The following GPT2 variants were observed in gnomAD, a reference collection of about 807,000 sequenced individuals.
The protein encoded by GPT2 is alanine aminotransferase 2.
Under a neutral mutation model 56.9 loss-of-function variants are expected in GPT2, and 30 were observed. The ratio of observed to expected loss-of-function variants is 0.53; its 90% confidence interval spans 0.39 to 0.72. GPT2 has a LOEUF of 0.72. Ranked by LOEUF, GPT2 falls within the 30% of genes least tolerant of loss-of-function variation. The pLI, the probability that GPT2 is intolerant of heterozygous loss-of-function variation, is 0.00. For synonymous variants in GPT2, 271 were observed against 283.1 expected (o/e 0.96, Z 0.43); for missense variants, 542 against 703.4 (o/e 0.77, Z 2.60).
intron 2 of GPT2, among the ~76,000 whole-genome samples, chr16:46,887,012 C>T (rs1421466151): frequency 6.6e-6 from 1 of 152,176 alleles, no homozygotes; most frequent in African/African-American, 2.4e-5. Context: ...CTCATTGAAA[C>T]CCTTCCTTCT....
chr16:46,885,793 C>T (rs763899086), intron 2 of GPT2, among the ~76,000 whole-genome samples: 1 of 151,998 alleles, frequency 6.6e-6, no homozygotes, highest in Non-Finnish European at 1.5e-5. Context: ...GAGTTATAGC[C>T]TGGGTGGAAT....
intron 3 of GPT2, among the ~76,000 whole-genome samples, chr16:46,898,875 T>C (rs1488461675): frequency 6.9e-6 from 1 of 145,318 alleles, no homozygotes. Context: ...TATATACATA[T>C]ATATATATAT....
chr16:46,902,798 G>T (rs1054450334), intron 4 of GPT2, among the ~76,000 whole-genome samples: 2 of 151,978 alleles, frequency 1.3e-5, no homozygotes, highest in Non-Finnish European at 2.9e-5. Context: ...GGTAATTTTT[G>T]TATTTTTAGT....
Position 46,929,093 on chromosome 16 carries a change from C to CT in GPT2, c.*96_*97insT. On this transcript the variant is annotated 3_prime_UTR_variant, in exon 12 of 12. Coordinates refer to ENST00000340124, the MANE Select transcript of GPT2 (RefSeq NM_133443.4). ...TCCCCCGTGACTCTGCCTCGGGCCT[C>CT]GCAGAGGCCGCTGGTCACTTCGTCA... The CT allele has an allele frequency of 7.9e-6, 7 of 888,302 alleles. No individual in the cohort carries two copies. The highest frequency in any genetic ancestry group is 1.3e-5 in the Non-Finnish European group (7 of 534,526). 55.0% of individuals were successfully genotyped at this position (888,302 alleles called of 1,614,324 possible). A position where few individuals can be genotyped will look rare whatever the true frequency, so the allele number is the denominator to read the frequency against.
chr16:46,929,363 CTT>C lies in GPT2; in HGVS notation c.*367_*368del, dbSNP rs1961484693. ...TGAGCAGGTGTCGGGAAATGTGTGA[CTT>C]AACCGTGGTGAGGGCTGGAAATCCA... On this transcript the variant is annotated 3_prime_UTR_variant, in exon 12 of 12. Coordinates refer to ENST00000340124, the MANE Select transcript of GPT2 (RefSeq NM_133443.4). 2 of 250,110 alleles carry C rather than the reference CTT, an allele frequency of 8.0e-6. No homozygotes were observed. Among genetic ancestry groups the C allele is most frequent in the Middle Eastern group, 1.5e-3 (1 of 660 alleles). 15.5% of individuals were successfully genotyped at this position (250,110 alleles called of 1,614,324 possible).
intron 10 of GPT2, 141 bp from the exon 11 acceptor site, chr16:46,926,784 G>T: frequency 2.0e-6 from 1 of 502,452 alleles, no homozygotes; most frequent in Non-Finnish European, 3.4e-6. Flanking sequence ...CCAGCGTCTG[G>T]CCCTGGTCCT....
intron 2 of GPT2, among the ~76,000 whole-genome samples, chr16:46,897,111 A>G (rs1163561627): frequency 6.6e-6 from 1 of 152,178 alleles, no homozygotes; most frequent in African/African-American, 2.4e-5. Flanking sequence ...GGTCAGGCGC[A>G]ATGGCTCACG....
chr16:46,926,074 T>G (rs1335309287), intron 10 of GPT2, among the ~76,000 whole-genome samples: 2 of 135,390 alleles, frequency 1.5e-5, no homozygotes. Context: ...GAGGTTGTAG[T>G]GAGCCGAGAT....
chr16:46,924,613 G>A, intron 10 of GPT2, 69 bp downstream of exon 10: 2 of 1,551,508 alleles, frequency 1.3e-6, no homozygotes, highest in South Asian at 1.2e-5. Context: ...GGGGGCCCCT[G>A]CTTATCTTGG....
chr16:46,897,695 C>T lies in GPT2; in HGVS notation c.291C>T (p.Asp97=), dbSNP rs371230832. The change falls in exon 3 of 12, where the codon GAC becomes GAT. Residue 97 remains aspartate (D), a synonymous_variant. Coordinates refer to ENST00000340124, the MANE Select transcript of GPT2 (RefSeq NM_133443.4). ...FTEVIRANIG[D]AQAMGQQPIT... is the part of the protein sequence containing the mutation. The stretch of plus-strand genomic sequence containing the variant: ...AGGTCATCCGAGCCAACATCGGGGA[C>T]GCCCAGGCTATGGGGCAGCAGCCAA... 104 of 1,614,148 alleles carry T rather than the reference C, an allele frequency of 6.4e-5. No individual in the cohort carries two copies. In the East Asian group the frequency reaches 8.9e-4, roughly 14 times the overall value.
chr16:46,886,678 C>T (rs1960490998), intron 2 of GPT2, among the ~76,000 whole-genome samples: 1 of 152,044 alleles, frequency 6.6e-6, no homozygotes, highest in African/African-American at 2.4e-5. Flanking sequence ...GTGAATGAGA[C>T]AGAAAAGGTG....
chr16:46,905,403 A>G (rs1960903474), intron 4 of GPT2, among the ~76,000 whole-genome samples: 1 of 152,200 alleles, frequency 6.6e-6, no homozygotes, highest in South Asian at 2.1e-4. Context: ...GGACTGATGC[A>G]TGCTGAGGCC....
intron 2 of GPT2, among the ~76,000 whole-genome samples, chr16:46,887,451 G>A (rs1191472832): frequency 2.0e-5 from 3 of 152,196 alleles, no homozygotes; most frequent in East Asian, 3.9e-4. Context: ...AGAGCTCAGA[G>A]CGAGACTCCA....
chr16:46,902,788 G>C (rs1317188087), intron 4 of GPT2, among the ~76,000 whole-genome samples: 1 of 152,000 alleles, frequency 6.6e-6, no homozygotes, highest in Non-Finnish European at 1.5e-5. Context: ...ACCACGCCTG[G>C]GTAATTTTTG....
chr16:46,922,533 G>C, intron 9 of GPT2, 117 bp downstream of exon 9: 2 of 935,886 alleles, frequency 2.1e-6, no homozygotes, highest in Admixed American at 5.3e-5. Flanking sequence ...GGTGTGGCCT[G>C]CAGGTGCACT....
At chr16:46,885,588 A>G (rs1193176839) in intron 2 of GPT2, 1 of 977,420 alleles carries the variant, frequency 1.0e-6, no homozygotes, top group East Asian at 1.2e-4. Context: ...GTGGGGAACC[A>G]GAGAGTTGGG....
At chr16:46,901,733 C>A (rs1960821405) in intron 4 of GPT2, among the ~76,000 whole-genome samples, 1 of 152,160 alleles carries the variant, frequency 6.6e-6, no homozygotes, top group Non-Finnish European at 1.5e-5. Flanking sequence ...TCTGCTCCGT[C>A]CCTTATTGAC....
chr16:46,906,745 C>T, intron 4 of GPT2, 97 bp from the exon 5 acceptor site: 3 of 1,517,916 alleles, frequency 2.0e-6, no homozygotes, highest in Non-Finnish European at 2.7e-6. Flanking sequence ...ACCCTCACCC[C>T]AAACAGGCAT....
At chr16:46,900,922 T>A in intron 4 of GPT2, 132 bp downstream of exon 4, 3 of 661,590 alleles carry the variant, frequency 4.5e-6, no homozygotes, top group Admixed American at 2.6e-5. Context: ...GCACACAGAG[T>A]AAACAAAAAA....
Sources: gnomAD v4.1 joint callset for allele counts (sites outside exome capture counted in the v4.1 genomes callset) on GRCh38, gnomAD v4.1.1 for gene constraint, MANE v1.5 for transcripts, NCBI Gene and HGNC (gene_info 2026-07-23, HGNC 2026-07-21) for gene names.